The following ARNT2 variants were observed in gnomAD, a reference collection of about 807,000 sequenced individuals.
ARNT2 encodes the protein ARNT protein 2.
Under a neutral mutation model 91.7 loss-of-function variants are expected in ARNT2, and 36 were observed. The observed-to-expected ratio is 0.39, with a 90% CI of 0.30 to 0.52. The LOEUF (loss-of-function observed/expected upper bound fraction) is 0.52. Among genes scored for constraint, ARNT2 ranks in the 20% least tolerant of loss-of-function variants. ARNT2 has a pLI of 0.72. For synonymous variants in ARNT2, 365 were observed against 347.1 expected (o/e 1.05, Z -0.57); for missense variants, 775 against 939.3 (o/e 0.83, Z 2.29).
rs527417551 is a variant in ARNT2, at chr15:80,562,994, C to T, written c.1165-94C>T. ...TGCCCCTATTCTGAGGTCCTGCTGGCCCCTGCCGCAACCCCACTGCCTGCA... is the reference window on the plus strand; with the variant it reads ...TGCCCCTATTCTGAGGTCCTGCTGGTCCCTGCCGCAACCCCACTGCCTGCA... On this transcript the variant is annotated intron_variant, in intron 11 of 18. Coordinates refer to ENST00000303329, the MANE Select transcript of ARNT2 (RefSeq NM_014862.4). 31 of 1,416,120 alleles carry T rather than the reference C, an allele frequency of 2.2e-5. 1 individual carries two copies. Among genetic ancestry groups the T allele is most frequent in the Non-Finnish European group, 3.1e-5 (31 of 1,007,538 alleles). 87.7% of individuals were successfully genotyped at this position (1,416,120 alleles called of 1,614,324 possible). A position where few individuals can be genotyped will look rare whatever the true frequency, so the allele number is the denominator to read the frequency against.
rs952606420 is a variant in ARNT2 at position 80,489,557 on chromosome 15, A to G, written c.622+14334A>G. 2.0e-5 allele frequency among the ~76,000 whole-genome samples: 3 copies of G among 152,330 alleles called. No individual in the cohort carries two copies. In the South Asian group the frequency reaches 6.2e-4, roughly 32 times the overall value. On this transcript the variant is annotated intron_variant, in intron 5 of 18. Coordinates refer to ENST00000303329, the MANE Select transcript of ARNT2 (RefSeq NM_014862.4). The stretch of plus-strand genomic sequence containing the variant: ...CCTGAACTCACAAGAGCTCGGCATC[A>G]TGAGGGTCACACAGGCTGACTCTTC...
At chr15:80,539,843 C>G (rs565635742) in intron 8 of ARNT2, among the ~76,000 whole-genome samples, 187 of 150,376 alleles carry the variant, frequency 1.2e-3, no homozygotes, top group Non-Finnish European at 1.5e-3. Flanking sequence ...ATTATCTCAC[C>G]CCATCTAGGA....
chr15:80,496,038 T>A (rs1897123142), intron 5 of ARNT2, among the ~76,000 whole-genome samples: 1 of 152,208 alleles, frequency 6.6e-6, no homozygotes, highest in South Asian at 2.1e-4. Context: ...GAATGGTGTC[T>A]TGCTTCCCCT....
chr15:80,532,952 G>A (rs907223435), intron 8 of ARNT2, among the ~76,000 whole-genome samples: 1 of 152,226 alleles, frequency 6.6e-6, no homozygotes, highest in Admixed American at 6.5e-5. Context: ...GCAGGAAGAA[G>A]AGGAGAGAGT....
At chr15:80,564,300 C>A (rs1370034422) in intron 12 of ARNT2, among the ~76,000 whole-genome samples, 3 of 152,160 alleles carry the variant, frequency 2.0e-5, no homozygotes, top group Non-Finnish European at 4.4e-5. Flanking sequence ...AGCCTCCAGG[C>A]GGTCACCACA....
In ARNT2 at chr15:80,591,206, G is replaced by A. The variant is rs1893274135; in HGVS notation, c.1919-362G>A. Among the ~76,000 whole-genome samples, 1 of 152,154 alleles carries A rather than the reference G, an allele frequency of 6.6e-6. No individual in the cohort carries two copies. Among genetic ancestry groups the A allele is most frequent in the Admixed American group, 6.5e-5 (1 of 15,278 alleles). The stretch of plus-strand genomic sequence containing the variant: ...CAGACCCTCTCTCAGCCCACACTCT[G>A]CATGCAACAGATATGCCCCTTGCCC... On this transcript the variant is annotated intron_variant, in intron 17 of 18. Transcript: ENST00000303329. This position sits in a 1 kb window ranked among gnomAD's most constrained non-coding sequence, Gnocchi z 5.1.
chr15:80,486,106 T>C (rs1896968896), intron 5 of ARNT2, among the ~76,000 whole-genome samples: 1 of 152,198 alleles, frequency 6.6e-6, no homozygotes, highest in Admixed American at 6.5e-5. Flanking sequence ...CCATTCCTTG[T>C]AGACACATCG....
intron 1 of ARNT2, chr15:80,443,049 G>A (rs984802202): frequency 5.1e-6 from 5 of 983,692 alleles, no homozygotes; most frequent in Non-Finnish European, 6.0e-6. Context: ...GAATCACCAG[G>A]GACCAGACCT....
At chr15:80,450,067 T>C (rs1595968047) in intron 1 of ARNT2, among the ~76,000 whole-genome samples, 1 of 152,128 alleles carries the variant, frequency 6.6e-6, no homozygotes, top group South Asian at 2.1e-4. Flanking sequence ...CTCCGTTAAG[T>C]AGGAAAGAGA....
At chr15:80,514,527 G>C (rs1200145880) in intron 8 of ARNT2, 122 bp downstream of exon 8, 6 of 833,490 alleles carry the variant, frequency 7.2e-6, no homozygotes, top group East Asian at 5.1e-5. Flanking sequence ...TTTCTTTGTG[G>C]TTAGAACACA....
intron 1 of ARNT2, among the ~76,000 whole-genome samples, chr15:80,427,025 C>T (rs1471216464): frequency 1.3e-5 from 2 of 152,192 alleles, no homozygotes; most frequent in East Asian, 1.9e-4. Flanking sequence ...CTAAAGGCCT[C>T]ATTTCCAAAT....
chr15:80,530,341 A>G (rs903883988), intron 8 of ARNT2, among the ~76,000 whole-genome samples: 1 of 152,142 alleles, frequency 6.6e-6, no homozygotes, highest in African/African-American at 2.4e-5. Context: ...GTGAGCGCAG[A>G]CATTCTGCCA....
At chr15:80,580,030 T>G in intron 15 of ARNT2, 1 of 177,066 alleles carries the variant, frequency 5.6e-6, no homozygotes, top group Admixed American at 5.5e-5. Context: ...CACAAAAGAG[T>G]GAGTGAACAG....
At chr15:80,557,485 G>A (rs1898213035) in intron 11 of ARNT2, among the ~76,000 whole-genome samples, 1 of 152,166 alleles carries the variant, frequency 6.6e-6, no homozygotes, top group African/African-American at 2.4e-5. Context: ...GAGAGGAGCA[G>A]AAAATATAAC....
At chr15:80,450,778 C>G (rs970233142) in intron 1 of ARNT2, 102 bp from the exon 2 acceptor site, 1 of 1,148,208 alleles carries the variant, frequency 8.7e-7, no homozygotes, top group Non-Finnish European at 1.3e-6. Context: ...GGTCCCTGGG[C>G]TCTCTGCGCA....
chr15:80,540,821 A>T (rs1897893115), intron 8 of ARNT2, among the ~76,000 whole-genome samples: 1 of 152,152 alleles, frequency 6.6e-6, no homozygotes, highest in Non-Finnish European at 1.5e-5. Flanking sequence ...TGCAGAGGAC[A>T]TGATTTCATT....
intron 1 of ARNT2, among the ~76,000 whole-genome samples, chr15:80,412,103 C>G (rs1045982681): frequency 6.6e-6 from 1 of 152,198 alleles, no homozygotes; most frequent in East Asian, 1.9e-4. Context: ...ATAGTGCAGG[C>G]TTTAGAGTTG....
chr15:80,535,928 A>T, intron 8 of ARNT2, among the ~76,000 whole-genome samples: 1 of 151,846 alleles, frequency 6.6e-6, no homozygotes. Context: ...AGTTATTTTT[A>T]TGTCTTTTTA....
chr15:80,437,532 A>T (rs1195722262), intron 1 of ARNT2, among the ~76,000 whole-genome samples: 1 of 152,242 alleles, frequency 6.6e-6, no homozygotes, highest in African/African-American at 2.4e-5. Context: ...CAGTGTTGCC[A>T]TGTGGATTTA....
Sources: gnomAD v4.1 joint callset for allele counts (sites outside exome capture counted in the v4.1 genomes callset) on GRCh38, gnomAD v4.1.1 for gene constraint, Gnocchi (gnomAD v3.1) non-coding constraint, MANE v1.5 for transcripts, NCBI Gene and HGNC (gene_info 2026-07-23, HGNC 2026-07-21) for gene names.